Variants in NOL4L observed in about 807,000 individuals in gnomAD.
NOL4L encodes the protein nucleolar protein 4-like.
In NOL4L, 7 loss-of-function variants were observed where a neutral mutation model predicts 64.5. That is an observed-to-expected ratio of 0.11 (90% CI 0.06 to 0.20). The LOEUF (loss-of-function observed/expected upper bound fraction) is 0.20, where lower values mean the gene tolerates loss of function less well. NOL4L is among the 10% of genes least tolerant of loss of function. The pLI is 1.00. For missense variants in NOL4L, 680 were observed against 967.1 expected, an observed-to-expected ratio of 0.70 and a Z score of 3.94; for synonymous variants, 413 against 401.0, an observed-to-expected ratio of 1.03 and a Z score of -0.36.
chr20:32,519,251 A>C (rs1294844117), intron 3 of NOL4L: 1 of 152,212 alleles, frequency 6.6e-6, no homozygotes, highest in Non-Finnish European at 1.5e-5. Flanking sequence ...AGGGCATGGA[A>C]GCCTCTGGAT....
intron 2 of NOL4L, among the ~76,000 whole-genome samples, chr20:32,522,454 G>A (rs1254300601): frequency 1.3e-5 from 2 of 152,240 alleles, no homozygotes; most frequent in Non-Finnish European, 2.9e-5. Flanking sequence ...TCAGGTCCGA[G>A]GGATGGGGCT....
chr20:32,536,246 G>T, intron 1 of NOL4L: 2 of 985,448 alleles, frequency 2.0e-6, no homozygotes, highest in Non-Finnish European at 2.4e-6. Flanking sequence ...CCGAAGGGGG[G>T]GTCCTAGGCG....
chr20:32,493,454 G>A (rs999548824), intron 4 of NOL4L, among the ~76,000 whole-genome samples: 21 of 152,204 alleles, frequency 1.4e-4, no homozygotes, highest in African/African-American at 3.4e-4. Flanking sequence ...GGGCAGCTGC[G>A]GACACGCTCT....
At chr20:32,490,138 A>ATAT (rs1158784364) in intron 4 of NOL4L, among the ~76,000 whole-genome samples, 2 of 143,458 alleles carry the variant, frequency 1.4e-5, no homozygotes, top group African/African-American at 5.5e-5. Flanking sequence ...CAAAAAAAAA[A>ATAT]AAAAAAATAT....
chr20:32,559,864 C>A (rs1978893234), intron 1 of NOL4L, among the ~76,000 whole-genome samples: 1 of 152,260 alleles, frequency 6.6e-6, no homozygotes, highest in African/African-American at 2.4e-5. Flanking sequence ...ACGGCCAGCC[C>A]AGGCCTGCCC....
In NOL4L at chr20:32,464,135, A is replaced by G. The variant is rs574316403; in HGVS notation, c.842-7740T>C. ...CCAGGGAGGCGTGGACAGTAGGGCT[A>G]TGGGCTGTGGTCTGGGGGTGCTGAC... On this transcript the variant is annotated intron_variant, in intron 5 of 10. Transcript: ENST00000621426. This position sits in a 1 kb window ranked among gnomAD's most constrained non-coding sequence, Gnocchi z 5.6. Among the ~76,000 whole-genome samples, 1 of 152,246 alleles carries G rather than the reference A, an allele frequency of 6.6e-6. No individual in the cohort carries two copies. Among genetic ancestry groups the G allele is most frequent in the Non-Finnish European group, 1.5e-5 (1 of 68,012 alleles).
chr20:32,549,107 A>G (rs1395883785), intron 1 of NOL4L, among the ~76,000 whole-genome samples: 1 of 152,226 alleles, frequency 6.6e-6, no homozygotes, highest in South Asian at 2.1e-4. Context: ...AAAATTAGAC[A>G]AATTGCACTT....
rs151179816 is a variant in NOL4L, at chr20:32,453,472, G to A, written c.1329C>T (p.Asp443=). The change falls in exon 8 of 11, where the codon GAC becomes GAT. Residue 443 remains aspartate (D), a synonymous_variant. Transcript: ENST00000621426. The surrounding 1 kb of genome is among the most constrained non-coding windows in gnomAD (Gnocchi z 5.6). ...TGGGCACCATGCGGTCCAGGTTCTCGTCCACAAAGAGACGCACAAACATCT... is the reference window on the plus strand; with the variant it reads ...TGGGCACCATGCGGTCCAGGTTCTCATCCACAAAGAGACGCACAAACATCT... ...AFNMFVRLFV[D]ENLDRMVPIS... 3.7e-4 allele frequency: 596 copies of A among 1,614,074 alleles called. 1 individual carries two copies. Among genetic ancestry groups the A allele is most frequent in the Admixed American group, 1.2e-3 (75 of 60,020 alleles).
At chr20:32,455,120 G>A (rs1261930952) in intron 6 of NOL4L, among the ~76,000 whole-genome samples, 1 of 152,220 alleles carries the variant, frequency 6.6e-6, no homozygotes, top group African/African-American at 2.4e-5. Context: ...CCAGGGCCAG[G>A]GCAGACAGAT....
intron 4 of NOL4L, among the ~76,000 whole-genome samples, chr20:32,508,537 G>A (rs888490299): frequency 1.3e-5 from 2 of 152,238 alleles, no homozygotes; most frequent in African/African-American, 4.8e-5. Context: ...CATGAGGCGG[G>A]AGGCTGCTTC....
At chr20:32,529,637 G>A (rs1244106197) in intron 1 of NOL4L, among the ~76,000 whole-genome samples, 1 of 152,220 alleles carries the variant, frequency 6.6e-6, no homozygotes, top group African/African-American at 2.4e-5. Context: ...CAGATGGGGG[G>A]CAAAGGGCAT....
At chr20:32,472,155 C>T (rs2015068195) in intron 5 of NOL4L, among the ~76,000 whole-genome samples, 1 of 152,228 alleles carries the variant, frequency 6.6e-6, no homozygotes, top group Non-Finnish European at 1.5e-5. Flanking sequence ...AGAGGCGGAG[C>T]TCCATCTGCT....
intron 5 of NOL4L, among the ~76,000 whole-genome samples, chr20:32,458,668 G>C (rs1450478487): frequency 6.6e-6 from 1 of 152,236 alleles, no homozygotes; most frequent in African/African-American, 2.4e-5. Context: ...CAGGCCACTT[G>C]CTTGACCTTG....
chr20:32,541,433 T>G (rs541355836), intron 1 of NOL4L, among the ~76,000 whole-genome samples: 1 of 152,228 alleles, frequency 6.6e-6, no homozygotes, highest in Non-Finnish European at 1.5e-5. Context: ...CCCAGTCAAG[T>G]GCTCCCTGAG....
rs144894524 is a variant in NOL4L, at chr20:32,479,171, G to C, written c.700-4429C>G. ...CTGGAGAAGCAGGCTAATCACACAGGCAGTTACAAGTACACACAGATCAGA... is the reference window on the plus strand; with the variant it reads ...CTGGAGAAGCAGGCTAATCACACAGCCAGTTACAAGTACACACAGATCAGA... On this transcript the variant is annotated intron_variant, in intron 4 of 10. Coordinates refer to ENST00000621426, the MANE Select transcript of NOL4L (RefSeq NM_001256798.2). Among the ~76,000 whole-genome samples, 773 of 152,310 alleles carry C rather than the reference G, an allele frequency of 5.1e-3. 12 individuals are homozygous for C. Among genetic ancestry groups the C allele is most frequent in the Admixed American group, 0.034 (513 of 15,292 alleles).
chr20:32,538,998 G>C (rs949988148), intron 1 of NOL4L, among the ~76,000 whole-genome samples: 1 of 141,324 alleles, frequency 7.1e-6, no homozygotes. Flanking sequence ...AGAAGGACCA[G>C]AGCCCAGTGC....
Position 32,447,038 on chromosome 20 carries a change from C to G in NOL4L, c.*558G>C, listed in dbSNP as rs1400088568. 1 of 343,732 alleles carries G rather than the reference C, an allele frequency of 2.9e-6. No individual in the cohort carries two copies. The highest frequency in any genetic ancestry group is 4.1e-5 in the Admixed American group (1 of 24,486). The allele number at this position is 343,732 out of a possible 1,614,324, so 21.3% of individuals were successfully genotyped here. On this transcript the variant is annotated 3_prime_UTR_variant, in exon 11 of 11. Transcript: ENST00000621426. ...CAGCCAGCCTGGCACCTGTCCTGCCCCTACTGGCCCCAGCCCACATCAGTG... is the reference window on the plus strand; with the variant it reads ...CAGCCAGCCTGGCACCTGTCCTGCCGCTACTGGCCCCAGCCCACATCAGTG...
intron 1 of NOL4L, among the ~76,000 whole-genome samples, chr20:32,545,290 T>A (rs566714370): frequency 2.0e-5 from 3 of 152,146 alleles, no homozygotes; most frequent in East Asian, 1.9e-4. Flanking sequence ...TAAAAATTTT[T>A]AAAAAATGGG....
At chr20:32,545,482 T>C (rs1034257421) in intron 1 of NOL4L, among the ~76,000 whole-genome samples, 1 of 152,168 alleles carries the variant, frequency 6.6e-6, no homozygotes, top group African/African-American at 2.4e-5. Flanking sequence ...TGAAAGCAAG[T>C]GTGTGTCTAG....
Sources: allele counts gnomAD v4.1 joint callset (sites outside exome capture counted in the v4.1 genomes callset), GRCh38; gene constraint gnomAD v4.1.1; non-coding constraint Gnocchi (gnomAD v3.1); transcripts MANE v1.5; gene names NCBI Gene and HGNC (gene_info 2026-07-23, HGNC 2026-07-21).